Variants in BAALC observed in about 807,000 individuals in gnomAD.
BAALC encodes brain and acute leukemia cytoplasmic protein.
Under a neutral mutation model 15.5 loss-of-function variants are expected in BAALC, and 9 were observed. The observed-to-expected ratio is 0.58, with a 90% CI of 0.35 to 1.02. The LOEUF is 1.02. Among genes scored for constraint, BAALC ranks in the 50% least tolerant of loss-of-function variants. The probability of loss-of-function intolerance (pLI) is 0.02; values close to 1 mark genes in which losing one functional copy is unlikely to be tolerated. For missense variants in BAALC, 201 were observed against 192.4 expected, an observed-to-expected ratio of 1.04 and a Z score of -0.27; for synonymous variants, 80 against 74.6, an observed-to-expected ratio of 1.07 and a Z score of -0.37.
intron 1 of BAALC, among the ~76,000 whole-genome samples, chr8:103,186,581 T>A (rs1027746752): frequency 5.3e-5 from 8 of 152,174 alleles, no homozygotes; most frequent in African/African-American, 1.9e-4. Context: ...TTTGTCTGTC[T>A]CAAGGCCTCT....
chr8:103,204,431 TTA>T (rs1401164421), intron 1 of BAALC, among the ~76,000 whole-genome samples: 1 of 152,204 alleles, frequency 6.6e-6, no homozygotes, highest in Non-Finnish European at 1.5e-5. Context: ...ATAATGCTCA[TTA>T]TATCTATTTT....
chr8:103,142,026 C>A (rs1386722741), intron 1 of BAALC, among the ~76,000 whole-genome samples: 8 of 152,166 alleles, frequency 5.3e-5, no homozygotes, highest in African/African-American at 1.9e-4. Context: ...TTGTCCAAAG[C>A]AAGGTCAATA....
intron 1 of BAALC, chr8:103,166,315 G>A (rs1811345377): frequency 6.5e-6 from 1 of 152,712 alleles, no homozygotes; most frequent in South Asian, 2.1e-4. Context: ...AGAACCAAGA[G>A]GGAAGAGAGA....
At chr8:103,194,809 C>A (rs1812056155) in intron 1 of BAALC, among the ~76,000 whole-genome samples, 1 of 152,186 alleles carries the variant, frequency 6.6e-6, no homozygotes, top group African/African-American at 2.4e-5. Flanking sequence ...GGCACAAATG[C>A]TGTGTCCTCA....
chr8:103,173,139 A>T (rs533784734), intron 1 of BAALC, among the ~76,000 whole-genome samples: 7 of 152,148 alleles, frequency 4.6e-5, no homozygotes, highest in Non-Finnish European at 8.8e-5. Context: ...ACACTATCAC[A>T]GTTATTTTTC....
At chr8:103,174,693 G>A (rs549509134) in intron 1 of BAALC, among the ~76,000 whole-genome samples, 3 of 152,276 alleles carry the variant, frequency 2.0e-5, no homozygotes, top group South Asian at 2.1e-4. Context: ...TTCATGGTTC[G>A]ATAAGCTTGG....
At chr8:103,205,549 T>C (rs1450438146) in intron 1 of BAALC, among the ~76,000 whole-genome samples, 3 of 152,060 alleles carry the variant, frequency 2.0e-5, no homozygotes, top group African/African-American at 7.2e-5. Flanking sequence ...GATAGATAGA[T>C]AGATAGATCT....
At chr8:103,179,169 C>G (rs1811672794) in intron 1 of BAALC, among the ~76,000 whole-genome samples, 1 of 152,198 alleles carries the variant, frequency 6.6e-6, no homozygotes, top group South Asian at 2.1e-4. Flanking sequence ...GTTGCACGCT[C>G]TAGGCCAGGA....
chr8:103,174,601 T>C (rs1811567611), intron 1 of BAALC, among the ~76,000 whole-genome samples: 1 of 152,240 alleles, frequency 6.6e-6, no homozygotes, highest in African/African-American at 2.4e-5. Flanking sequence ...GGGTAATTCA[T>C]AGATGTTTGG....
chr8:103,159,192 A>G (rs1031549146), intron 1 of BAALC, among the ~76,000 whole-genome samples: 3 of 152,200 alleles, frequency 2.0e-5, no homozygotes, highest in Non-Finnish European at 4.4e-5. Context: ...GTGGTTCTAC[A>G]TCAGGAACCA....
At chr8:103,192,027 T>C (rs1190331783) in intron 1 of BAALC, among the ~76,000 whole-genome samples, 3 of 152,128 alleles carry the variant, frequency 2.0e-5, no homozygotes, top group Non-Finnish European at 4.4e-5. Context: ...AGTCTGGGTG[T>C]CAACAACTAC....
chr8:103,173,890 G>A (rs555771294), intron 1 of BAALC, among the ~76,000 whole-genome samples: 29 of 152,296 alleles, frequency 1.9e-4, no homozygotes, highest in South Asian at 6.2e-4. Context: ...TGCAAAATTC[G>A]TCACGGTCCT....
intron 1 of BAALC, among the ~76,000 whole-genome samples, chr8:103,193,998 A>G (rs541528686): frequency 6.6e-6 from 1 of 152,252 alleles, no homozygotes; most frequent in African/African-American, 2.4e-5. Context: ...CAATGAAGAA[A>G]GAAAAAGCAG....
intron 1 of BAALC, among the ~76,000 whole-genome samples, chr8:103,197,709 G>A (rs1441002458): frequency 6.6e-6 from 1 of 152,158 alleles, no homozygotes; most frequent in Non-Finnish European, 1.5e-5. Context: ...ATGGTGGAAG[G>A]TGACGGGCAG....
At chr8:103,216,899 T>C (rs1250474665) in intron 2 of BAALC, among the ~76,000 whole-genome samples, 1 of 152,196 alleles carries the variant, frequency 6.6e-6, no homozygotes, top group Non-Finnish European at 1.5e-5. Context: ...AATTTACAGA[T>C]GGGAATTGAG....
chr8:103,150,779 A>T (rs1810969355), intron 1 of BAALC, among the ~76,000 whole-genome samples: 1 of 152,032 alleles, frequency 6.6e-6, no homozygotes. Flanking sequence ...CAACCCAGGG[A>T]TTCTTGACCT....
chr8:103,181,551 T>C lies in BAALC; in HGVS notation c.161-31368T>C, dbSNP rs185560041. 4.7e-4 allele frequency among the ~76,000 whole-genome samples: 71 copies of C among 152,204 alleles called. 1 individual carries two copies. Among genetic ancestry groups the C allele is most frequent in the South Asian group, 8.3e-4 (4 of 4,808 alleles). On this transcript the variant is annotated intron_variant, in intron 1 of 2. Transcript: ENST00000309982. ...CCTCCCAAAGTGCTGGGATTACAGG[T>C]GTGAGCCACCTCGCCCGGCCAGGAA...
intron 1 of BAALC, among the ~76,000 whole-genome samples, chr8:103,160,932 G>C (rs1411135978): frequency 6.6e-6 from 1 of 152,064 alleles, no homozygotes; most frequent in Non-Finnish European, 1.5e-5. Context: ...TGACTCAAAT[G>C]TTAATCTCCT....
intron 1 of BAALC, among the ~76,000 whole-genome samples, chr8:103,151,638 T>C (rs1810990875): frequency 6.6e-6 from 1 of 152,122 alleles, no homozygotes; most frequent in Non-Finnish European, 1.5e-5. Context: ...CTATAAGCAA[T>C]TCATGCTCTA....
Sources: gnomAD v4.1 joint callset for allele counts (sites outside exome capture counted in the v4.1 genomes callset) on GRCh38, gnomAD v4.1.1 for gene constraint, MANE v1.5 for transcripts, NCBI Gene and HGNC (gene_info 2026-07-23, HGNC 2026-07-21) for gene names.